Variants in PTPRD observed in about 807,000 individuals in gnomAD.
PTPRD encodes receptor-type tyrosine-protein phosphatase delta.
A neutral mutation model predicts 214.5 loss-of-function variants in PTPRD; 34 were observed. The observed-to-expected ratio is 0.16, with a 90% CI of 0.12 to 0.21. The LOEUF is 0.21. Among genes scored for constraint, PTPRD ranks in the 10% least tolerant of loss-of-function variants. PTPRD has a pLI of 1.00. For synonymous variants in PTPRD, 1,128 were observed against 845.7 expected (o/e 1.33, Z -5.79); for missense variants, 2,545 against 2,398.7 (o/e 1.06, Z -1.27).
intron 14 of PTPRD, among the ~76,000 whole-genome samples, chr9:8,595,135 T>A (rs2094406699): frequency 2.6e-5 from 4 of 151,442 alleles, no homozygotes. Context: ...AGTGCTGGGA[T>A]TACAGGTGTG....
intron 11 of PTPRD, among the ~76,000 whole-genome samples, chr9:8,976,567 C>T (rs563813129): frequency 8.5e-5 from 13 of 152,192 alleles, no homozygotes; most frequent in African/African-American, 2.6e-4. Flanking sequence ...TCAAGTATTT[C>T]CTAGACTTAA....
At chr9:9,611,474 A>T (rs1280568602) in intron 7 of PTPRD, among the ~76,000 whole-genome samples, 1 of 152,128 alleles carries the variant, frequency 6.6e-6, no homozygotes, top group Non-Finnish European at 1.5e-5. Flanking sequence ...TATGTCAATA[A>T]CATCATCTTT....
chr9:8,961,990 G>C (rs1167609734), intron 11 of PTPRD: 3 of 152,082 alleles, frequency 2.0e-5, no homozygotes, highest in Admixed American at 6.6e-5. Context: ...TCCAGTCAAT[G>C]CGATGTCATT....
intron 5 of PTPRD, among the ~76,000 whole-genome samples, chr9:9,826,532 T>A (rs528372249): frequency 3.3e-5 from 5 of 152,100 alleles, no homozygotes; most frequent in Admixed American, 1.3e-4. Context: ...TATCAAAAAA[T>A]AGAGACTTTC....
intron 14 of PTPRD, among the ~76,000 whole-genome samples, chr9:8,536,463 G>C (rs1486279488): frequency 6.6e-6 from 1 of 151,768 alleles, no homozygotes; most frequent in Non-Finnish European, 1.5e-5. Flanking sequence ...ATATGTGTGT[G>C]TGTATATACA....
intron 2 of PTPRD, among the ~76,000 whole-genome samples, chr9:10,537,396 C>T (rs1301951652): frequency 1.3e-5 from 2 of 152,060 alleles, no homozygotes; most frequent in African/African-American, 2.4e-5. Flanking sequence ...GTTTTTGCTG[C>T]TGTTAATTTG....
intron 14 of PTPRD, among the ~76,000 whole-genome samples, chr9:8,566,098 A>ATGTGTGTGTGTGTG (rs1491211691): frequency 6.7e-4 from 31 of 46,232 alleles, no homozygotes; most frequent in South Asian, 1.6e-3. Context: ...TGAATGCAAA[A>ATGTGTGTGTGTGTG]TATGTGTGTG....
Position 10,254,322 on chromosome 9 carries a change from T to C in PTPRD, c.-545+86641A>G, listed in dbSNP as rs191210631. Among the ~76,000 whole-genome samples, 634 of 152,352 alleles carry C rather than the reference T, an allele frequency of 4.2e-3. 7 individuals are homozygous for C. The highest frequency in any genetic ancestry group is 0.014 in the African/African-American group (580 of 41,576). On this transcript the variant is annotated intron_variant, in intron 3 of 45. Transcript: ENST00000381196. ...TTGATTTACCAAGATTGCTTAATAG[T>C]GTTTTGGATTTTTCCCCTGGTAATA...
chr9:8,848,436 A>AG (rs1481124649), intron 11 of PTPRD, among the ~76,000 whole-genome samples: 1 of 150,220 alleles, frequency 6.7e-6, no homozygotes, highest in Non-Finnish European at 1.5e-5. Flanking sequence ...CCTGGACTTA[A>AG]GTGATCCTCC....
chr9:10,009,313 G>A (rs538234891), intron 4 of PTPRD, among the ~76,000 whole-genome samples: 5 of 145,434 alleles, frequency 3.4e-5, no homozygotes, highest in Admixed American at 7.1e-5. Flanking sequence ...AGTATCCAAG[G>A]TGGTTGGGTT....
chr9:9,306,357 A>G (rs1957118255), intron 9 of PTPRD, among the ~76,000 whole-genome samples: 1 of 151,900 alleles, frequency 6.6e-6, no homozygotes, highest in Admixed American at 6.6e-5. Flanking sequence ...TGAGGTCAGG[A>G]GTTTGGGACC....
intron 5 of PTPRD, among the ~76,000 whole-genome samples, chr9:9,808,150 T>G (rs1203293742): frequency 6.6e-6 from 1 of 152,208 alleles, no homozygotes; most frequent in Non-Finnish European, 1.5e-5. Flanking sequence ...TTTGAAATTG[T>G]GTGTAACTGT....
chr9:10,335,135 T>C (rs1405173088), intron 3 of PTPRD, among the ~76,000 whole-genome samples: 1 of 151,440 alleles, frequency 6.6e-6, no homozygotes, highest in Non-Finnish European at 1.5e-5. Context: ...GCCAAGCCAA[T>C]ATAGAAGGAG....
chr9:9,982,475 G>GGTGTGT lies in PTPRD; in HGVS notation c.-471-43871_-471-43866dup, dbSNP rs201055413. On this transcript the variant is annotated intron_variant, in intron 4 of 45. Coordinates refer to ENST00000381196, the MANE Select transcript of PTPRD (RefSeq NM_002839.4). ...CATATATTGTTGTTGTGGTGGTGGT[G>GGTGTGT]GTGTGTGTGTGTGTGTGTGTGTGTG... Among the ~76,000 whole-genome samples the GGTGTGT allele has an allele frequency of 1.7e-4, 8 of 46,808 alleles. No homozygotes were observed. The South Asian group carries it at 4.0e-3, about 24-fold the overall frequency. The allele number at this position is 46,808 out of a possible 152,430, so 30.7% of individuals were successfully genotyped here.
intron 3 of PTPRD, among the ~76,000 whole-genome samples, chr9:10,218,253 CACAA>C (rs776918977): frequency 6.6e-6 from 1 of 151,876 alleles, no homozygotes; most frequent in Non-Finnish European, 1.5e-5. Context: ...CAAGCAAGCA[CACAA>C]ACAAATGAAA....
rs183918155 is a variant in PTPRD at position 9,948,130 on chromosome 9, T to C, written c.-471-9520A>G. On this transcript the variant is annotated intron_variant, in intron 4 of 45. Coordinates refer to ENST00000381196, the MANE Select transcript of PTPRD (RefSeq NM_002839.4). ...TTGTTGATTATAAAATGTGTTACTA[T>C]TTATTTGCCTTATGGGGTCTGCTCA... 4.6e-5 allele frequency among the ~76,000 whole-genome samples: 7 copies of C among 152,162 alleles called. 1 individual carries two copies. Among genetic ancestry groups the C allele is most frequent in the Non-Finnish European group, 1.0e-4 (7 of 67,968 alleles).
intron 10 of PTPRD, among the ~76,000 whole-genome samples, chr9:9,148,337 T>G (rs918454136): frequency 2.6e-5 from 4 of 152,186 alleles, no homozygotes; most frequent in Admixed American, 1.3e-4. Context: ...ATCACTTGGT[T>G]TATACAGAAG....
chr9:9,439,440 G>A (rs2086644342), intron 8 of PTPRD, among the ~76,000 whole-genome samples: 1 of 152,102 alleles, frequency 6.6e-6, no homozygotes, highest in African/African-American at 2.4e-5. Flanking sequence ...GGAATAATGT[G>A]ATAAACTATT....
chr9:9,879,273 GC>G (rs1412224891), intron 5 of PTPRD, among the ~76,000 whole-genome samples: 1 of 152,076 alleles, frequency 6.6e-6, no homozygotes, highest in Non-Finnish European at 1.5e-5. Flanking sequence ...GTCATGAGGG[GC>G]TATCTTGTGT....
Sources: allele counts gnomAD v4.1 joint callset (sites outside exome capture counted in the v4.1 genomes callset), GRCh38; gene constraint gnomAD v4.1.1; transcripts MANE v1.5; gene names NCBI Gene and HGNC (gene_info 2026-07-23, HGNC 2026-07-21).